Variants in PITPNC1 observed in about 807,000 individuals in gnomAD.
PITPNC1 encodes the protein phosphatidylinositol transfer protein cytoplasmic 1.
In PITPNC1, 18 loss-of-function variants were observed where a neutral mutation model predicts 44.7. The ratio of observed to expected loss-of-function variants is 0.40; its 90% CI spans 0.28 to 0.60. The LOEUF (loss-of-function observed/expected upper bound fraction) is 0.60, where lower values mean the gene tolerates loss of function less well. PITPNC1 is among the 20% of genes least tolerant of loss of function. The pLI is 0.39. For missense variants in PITPNC1, 290 were observed against 418.4 expected (o/e 0.69, Z 2.68); for synonymous variants, 141 against 149.6 (o/e 0.94, Z 0.42).
At chr17:67,560,256 A>G (rs1379617408) in intron 4 of PITPNC1, among the ~76,000 whole-genome samples, 1 of 152,224 alleles carries the variant, frequency 6.6e-6, no homozygotes, top group Non-Finnish European at 1.5e-5. Flanking sequence ...TTTAGGTCAG[A>G]GCCATTATGT....
intron 1 of PITPNC1, among the ~76,000 whole-genome samples, chr17:67,468,654 C>T (rs1175897119): frequency 6.6e-6 from 1 of 151,542 alleles, no homozygotes; most frequent in African/African-American, 2.4e-5. Context: ...CCGCCCACCT[C>T]AGCCTCCCAA....
chr17:67,520,011 TG>T (rs1396304696), intron 1 of PITPNC1, among the ~76,000 whole-genome samples: 1 of 152,244 alleles, frequency 6.6e-6, no homozygotes, highest in Non-Finnish European at 1.5e-5. Context: ...TGCTTCTCTT[TG>T]CATTTCCTTT....
At chr17:67,681,156 A>C (rs1383487410) in intron 8 of PITPNC1, among the ~76,000 whole-genome samples, 1 of 152,232 alleles carries the variant, frequency 6.6e-6, no homozygotes, top group Non-Finnish European at 1.5e-5. Flanking sequence ...TTTCAAACAT[A>C]TGATCTTGCC....
chr17:67,559,828 T>C (rs530643490), intron 4 of PITPNC1, among the ~76,000 whole-genome samples: 5 of 152,102 alleles, frequency 3.3e-5, no homozygotes, highest in Non-Finnish European at 7.4e-5. Flanking sequence ...TGAGCCGGGA[T>C]CATGCCACTG....
In PITPNC1 at chr17:67,492,667, T is replaced by A. The variant is rs914410929; in HGVS notation, c.49-40135T>A. Among the ~76,000 whole-genome samples the A allele has an allele frequency of 2.6e-5, 4 of 152,160 alleles. No individual in the cohort carries two copies. The East Asian group carries it at 7.7e-4, about 29-fold the overall frequency. On this transcript the variant is annotated intron_variant, in intron 1 of 8. Coordinates refer to ENST00000581322, the MANE Select transcript of PITPNC1 (RefSeq NM_012417.4). ...TGGAAACTCCCCCTCAAGCCTAGTT[T>A]CTGTTTTCACACCGCCCCAGGACAG... is the stretch of plus-strand genomic sequence containing the variant.
chr17:67,659,442 T>C (rs2042312331), intron 6 of PITPNC1, among the ~76,000 whole-genome samples: 1 of 152,234 alleles, frequency 6.6e-6, no homozygotes, highest in African/African-American at 2.4e-5. Context: ...AGCTTGGGCC[T>C]CCTCATATCA....
chr17:67,604,833 A>G (rs1028445794), intron 5 of PITPNC1, among the ~76,000 whole-genome samples: 2 of 152,044 alleles, frequency 1.3e-5, no homozygotes, highest in Admixed American at 6.6e-5. Context: ...TAATCCCAGC[A>G]CTTTGGGAGG....
rs1175234938 is a variant in PITPNC1 at position 67,426,349 on chromosome 17, G to T, written c.48+48147G>T. Among the ~76,000 whole-genome samples the T allele has an allele frequency of 2.0e-5, 3 of 152,104 alleles. 1 individual carries two copies. The South Asian group carries it at 6.2e-4, about 32-fold the overall frequency. ...CACGATTTACAAGAGCAAACACATG[G>T]AATCAACCCAAATGCCCATCAACGA... is the stretch of plus-strand genomic sequence containing the variant. On this transcript the variant is annotated intron_variant, in intron 1 of 8. Transcript: ENST00000581322.
At chr17:67,599,669 C>T (rs2041515689) in intron 5 of PITPNC1, among the ~76,000 whole-genome samples, 1 of 152,130 alleles carries the variant, frequency 6.6e-6, no homozygotes, top group South Asian at 2.1e-4. Flanking sequence ...GCAATAAGGT[C>T]ACTGGTGACC....
chr17:67,465,497 A>C (rs1052724470), intron 1 of PITPNC1, among the ~76,000 whole-genome samples: 2 of 152,174 alleles, frequency 1.3e-5, no homozygotes, highest in African/African-American at 4.8e-5. Context: ...TCACATGCCA[A>C]TGTTGAATTG....
intron 4 of PITPNC1, among the ~76,000 whole-genome samples, chr17:67,570,251 G>A (rs2041034749): frequency 1.3e-5 from 2 of 152,326 alleles, no homozygotes; most frequent in Admixed American, 6.5e-5. Flanking sequence ...AGGGGGCCAA[G>A]GGAAAGCTCA....
intron 1 of PITPNC1, among the ~76,000 whole-genome samples, chr17:67,444,094 A>C (rs1307405668): frequency 3.3e-5 from 5 of 152,048 alleles, no homozygotes; most frequent in Admixed American, 1.3e-4. Context: ...CCCATCATCC[A>C]ACTAGAACAA....
chr17:67,468,359 G>A (rs1195492451), intron 1 of PITPNC1, among the ~76,000 whole-genome samples: 6 of 151,546 alleles, frequency 4.0e-5, no homozygotes, highest in African/African-American at 1.5e-4. Flanking sequence ...CCTTGGGGAA[G>A]CCGTGGTGAA....
intron 2 of PITPNC1, among the ~76,000 whole-genome samples, chr17:67,538,861 A>G (rs2040565852): frequency 6.6e-6 from 1 of 151,918 alleles, no homozygotes; most frequent in South Asian, 2.1e-4. Context: ...AATTAAAAGA[A>G]CCATCCCTGC....
chr17:67,593,349 T>C (rs1220689769), intron 5 of PITPNC1, among the ~76,000 whole-genome samples: 1 of 151,862 alleles, frequency 6.6e-6, no homozygotes, highest in Non-Finnish European at 1.5e-5. Flanking sequence ...GACAAAATAA[T>C]TACATATGTT....
chr17:67,529,990 G>T (rs952867213), intron 1 of PITPNC1, among the ~76,000 whole-genome samples: 1 of 151,838 alleles, frequency 6.6e-6, no homozygotes, highest in African/African-American at 2.4e-5. Context: ...CACAATTCTG[G>T]AGGCTAGAAG....
At chr17:67,388,262 C>T (rs2038083829) in intron 1 of PITPNC1, among the ~76,000 whole-genome samples, 1 of 151,854 alleles carries the variant, frequency 6.6e-6, no homozygotes, top group South Asian at 2.1e-4. Flanking sequence ...GAGTTATTGC[C>T]GTCAGACTGC....
chr17:67,495,305 G>T (rs974306410), intron 1 of PITPNC1, among the ~76,000 whole-genome samples: 10 of 151,836 alleles, frequency 6.6e-5, no homozygotes, highest in Non-Finnish European at 1.3e-4. Flanking sequence ...TGATCCGTCC[G>T]CCTCAGCCTC....
intron 1 of PITPNC1, among the ~76,000 whole-genome samples, chr17:67,445,391 C>G (rs772900804): frequency 9.2e-5 from 14 of 151,916 alleles, no homozygotes; most frequent in Non-Finnish European, 1.9e-4. Flanking sequence ...TTCAGCATGT[C>G]AAAGCGCCAT....
Sources: gnomAD v4.1 joint callset for allele counts (sites outside exome capture counted in the v4.1 genomes callset) on GRCh38, gnomAD v4.1.1 for gene constraint, MANE v1.5 for transcripts, NCBI Gene and HGNC (gene_info 2026-07-23, HGNC 2026-07-21) for gene names.